NFIA: variants seen among roughly 807,000 people sequenced by gnomAD.
NFIA encodes nuclear factor 1 A-type.
A neutral mutation model predicts 62.8 loss-of-function variants in NFIA; 8 were observed. That is an observed-to-expected ratio of 0.13 (90% CI 0.07 to 0.23). NFIA has a LOEUF of 0.23. Among genes scored for constraint, NFIA ranks in the 10% least tolerant of loss-of-function variants. The probability of loss-of-function intolerance (pLI) is 1.00; values close to 1 mark genes in which losing one functional copy is unlikely to be tolerated. For synonymous variants in NFIA, 235 were observed against 238.1 expected, an observed-to-expected ratio of 0.99 and a Z score of 0.12; for missense variants, 410 against 642.1, an observed-to-expected ratio of 0.64 and a Z score of 3.91.
intron 1 of NFIA, among the ~76,000 whole-genome samples, chr1:61,083,185 A>C (rs1038694741): frequency 3.9e-5 from 6 of 151,980 alleles, no homozygotes; most frequent in African/African-American, 1.2e-4. Context: ...AGTCCATGAC[A>C]CGCAGAAATC....
intron 10 of NFIA, among the ~76,000 whole-genome samples, chr1:61,434,438 C>T (rs1225041865): frequency 1.3e-5 from 2 of 152,180 alleles, no homozygotes; most frequent in Non-Finnish European, 2.9e-5. Flanking sequence ...TTCACATACA[C>T]TTGGCGGCTG....
At chr1:61,101,767 T>C in intron 2 of NFIA, among the ~76,000 whole-genome samples, 1 of 152,346 alleles carries the variant, frequency 6.6e-6, no homozygotes, top group East Asian at 1.9e-4. Flanking sequence ...TTGCCTTTTT[T>C]TCTCTCTTTT....
chr1:61,173,261 A>G (rs1650087895), intron 2 of NFIA, among the ~76,000 whole-genome samples: 1 of 152,232 alleles, frequency 6.6e-6, no homozygotes, highest in South Asian at 2.1e-4. Flanking sequence ...AGAGAGTCAC[A>G]TTGGCTAGTA....
chr1:61,122,183 A>C (rs577812185), intron 2 of NFIA, among the ~76,000 whole-genome samples: 2 of 152,330 alleles, frequency 1.3e-5, no homozygotes, highest in South Asian at 2.1e-4. Flanking sequence ...TAATACCACG[A>C]ATGGGAACAT....
In NFIA at chr1:61,402,100, C is replaced by T. The variant is rs577833868; in HGVS notation, c.1076-2004C>T. Reference sequence around the variant, plus strand: ...TCGCCCAGGCTAGAGTGCAGTGGCGCGATCTCGGCTCATTGCAAGATCCGC... The same window carrying T: ...TCGCCCAGGCTAGAGTGCAGTGGCGTGATCTCGGCTCATTGCAAGATCCGC... On this transcript the variant is annotated intron_variant, in intron 7 of 10. Transcript: ENST00000403491. Among the ~76,000 whole-genome samples the T allele has an allele frequency of 8.1e-4, 108 of 134,156 alleles. 1 individual carries two copies. The highest frequency in any genetic ancestry group is 7.1e-4 in the Admixed American group (8 of 11,254). The allele number at this position is 134,156 out of a possible 152,430, so 88.0% of individuals were successfully genotyped here.
chr1:61,254,274 T>C (rs1431139883), intron 2 of NFIA, among the ~76,000 whole-genome samples: 3 of 152,242 alleles, frequency 2.0e-5, no homozygotes, highest in Admixed American at 2.0e-4. Context: ...ACTATAATTA[T>C]GTGTTAGCAC....
Position 61,383,251 on chromosome 1 carries a change from A to G in NFIA, c.961A>G (p.Thr321Ala), listed in dbSNP as rs753828754. 6.8e-6 allele frequency: 11 copies of G among 1,614,024 alleles called. No individual in the cohort carries two copies. Among genetic ancestry groups the G allele is most frequent in the South Asian group, 1.1e-5 (1 of 91,072 alleles). The stretch of plus-strand genomic sequence containing the variant: ...CTTCTTGCCAGGAATGCCATCTCCA[A>G]CCACACTGAAGAAGTCGGAGAAGTC... Reference protein sequence around the residue: ...HEVEPGMPSPTTLKKSEKSGF... With the variant: ...HEVEPGMPSPATLKKSEKSGF... The change falls in exon 7 of 11, where the codon ACC becomes GCC. Residue 321 changes from threonine to alanine, a missense_variant. Around this residue, in one of 3 missense-constraint regions of NFIA, gnomAD observed 298 missense variants for 438.1 expected, o/e 0.68. Coordinates refer to ENST00000403491, the MANE Select transcript of NFIA (RefSeq NM_001134673.4).
chr1:61,215,508 C>G (rs1653558114), intron 2 of NFIA, among the ~76,000 whole-genome samples: 1 of 151,422 alleles, frequency 6.6e-6, no homozygotes, highest in Non-Finnish European at 1.5e-5. Flanking sequence ...AAATTAACTC[C>G]ACCAATAAAA....
chr1:61,257,510 G>T (rs1656485148), intron 2 of NFIA, among the ~76,000 whole-genome samples: 1 of 151,318 alleles, frequency 6.6e-6, no homozygotes, highest in South Asian at 2.1e-4. Context: ...GCTAATTTTT[G>T]TATTTTTTTA....
intron 4 of NFIA, among the ~76,000 whole-genome samples, chr1:61,337,492 A>G (rs1570601098): frequency 1.3e-5 from 2 of 152,122 alleles, no homozygotes; most frequent in East Asian, 3.8e-4. Context: ...GCCTTGTTCC[A>G]GGGGAGGAGG....
intron 10 of NFIA, among the ~76,000 whole-genome samples, chr1:61,445,617 C>G (rs918932555): frequency 6.6e-6 from 1 of 152,142 alleles, no homozygotes; most frequent in African/African-American, 2.4e-5. Flanking sequence ...GTATTGTTCA[C>G]TGGTTCCGGG....
intron 2 of NFIA, among the ~76,000 whole-genome samples, chr1:61,120,948 T>TTG (rs1646877401): frequency 6.6e-6 from 1 of 152,236 alleles, no homozygotes; most frequent in South Asian, 2.1e-4. Context: ...GTAATATATT[T>TTG]TGTGAACAGT....
intron 6 of NFIA, among the ~76,000 whole-genome samples, chr1:61,378,036 T>C (rs1187369566): frequency 1.3e-5 from 2 of 152,236 alleles, no homozygotes; most frequent in African/African-American, 4.8e-5. Flanking sequence ...AAAACAGCTT[T>C]GTACTTCCTA....
intron 2 of NFIA, among the ~76,000 whole-genome samples, chr1:61,270,545 T>C (rs967450317): frequency 2.0e-5 from 3 of 152,220 alleles, no homozygotes; most frequent in Admixed American, 2.0e-4. Context: ...TCAATTATCC[T>C]TCATTTTCAT....
intron 3 of NFIA, among the ~76,000 whole-genome samples, chr1:61,330,377 C>T (rs560516930): frequency 6.6e-6 from 1 of 151,808 alleles, no homozygotes; most frequent in South Asian, 2.1e-4. Context: ...ACAAATATCA[C>T]AGTCTAGACT....
At chr1:61,336,880 A>G (rs937810588) in intron 4 of NFIA, among the ~76,000 whole-genome samples, 3 of 152,216 alleles carry the variant, frequency 2.0e-5, no homozygotes, top group African/African-American at 7.2e-5. Flanking sequence ...CACAGTCATC[A>G]TTAATGATGG....
intron 3 of NFIA, among the ~76,000 whole-genome samples, chr1:61,321,522 A>G (rs183720481): frequency 1.3e-5 from 2 of 152,266 alleles, no homozygotes; most frequent in Admixed American, 1.3e-4. Flanking sequence ...GTCTTCAGAT[A>G]TTTGAAGGAT....
chr1:61,196,481 A>G (rs909751183), intron 2 of NFIA, among the ~76,000 whole-genome samples: 1 of 152,216 alleles, frequency 6.6e-6, no homozygotes, highest in Non-Finnish European at 1.5e-5. Flanking sequence ...TTAAGGGTAC[A>G]TGTAAATACA....
chr1:61,215,691 G>A (rs1653570362), intron 2 of NFIA, among the ~76,000 whole-genome samples: 1 of 152,164 alleles, frequency 6.6e-6, no homozygotes, highest in Admixed American at 6.5e-5. Context: ...GATACTATTT[G>A]ACTTATAAAT....
Sources: allele counts gnomAD v4.1 joint callset (sites outside exome capture counted in the v4.1 genomes callset), GRCh38; gene constraint gnomAD v4.1.1; regional missense constraint gnomAD v4.1.1; transcripts MANE v1.5; gene names NCBI Gene and HGNC (gene_info 2026-07-23, HGNC 2026-07-21).